RALYL: variants seen among roughly 807,000 people sequenced by gnomAD.
RALYL encodes RNA-binding Raly-like protein.
A neutral mutation model predicts 35.1 loss-of-function variants in RALYL; 29 were observed. The ratio of observed to expected loss-of-function variants is 0.83; its 90% CI spans 0.61 to 1.13. The LOEUF is 1.13. Among genes scored for constraint, RALYL ranks in the 50% most tolerant of loss-of-function variants. The pLI is 0.00. For synonymous variants in RALYL, 120 were observed against 127.6 expected (o/e 0.94, Z 0.40); for missense variants, 359 against 360.4 (o/e 1.00, Z 0.03).
At chr8:84,207,200 A>G (rs1818260003) in intron 1 of RALYL, among the ~76,000 whole-genome samples, 1 of 152,154 alleles carries the variant, frequency 6.6e-6, no homozygotes, top group South Asian at 2.1e-4. Flanking sequence ...TCTCAAAGAG[A>G]TATCTGTACT....
chr8:84,780,674 AT>A (rs1256130663), intron 3 of RALYL, among the ~76,000 whole-genome samples: 1 of 152,090 alleles, frequency 6.6e-6, no homozygotes, highest in African/African-American at 2.4e-5. Flanking sequence ...TTTGAATTTG[AT>A]TTTTTTGTTC....
chr8:84,712,488 T>C (rs939122149), intron 2 of RALYL, among the ~76,000 whole-genome samples: 10 of 152,286 alleles, frequency 6.6e-5, no homozygotes, highest in Middle Eastern at 3.4e-3. Context: ...AAAAATCTGA[T>C]GATATTCATG....
chr8:84,561,453 T>C lies in RALYL; in HGVS notation c.256+31876T>C, dbSNP rs185413903. The stretch of plus-strand genomic sequence containing the variant: ...ATCTGTGGCCAATATATTCTAAGAT[T>C]CCTAGTGAATGCCTGAAATCACAGA... On this transcript the variant is annotated intron_variant, in intron 2 of 8. Transcript: ENST00000521268. Among the ~76,000 whole-genome samples, 456 of 152,006 alleles carry C rather than the reference T, an allele frequency of 3.0e-3. 2 individuals carry two copies. Among genetic ancestry groups the C allele is most frequent in the African/African-American group, 7.8e-3 (322 of 41,500 alleles).
intron 2 of RALYL, among the ~76,000 whole-genome samples, chr8:84,585,062 C>T (rs888668048): frequency 2.6e-5 from 4 of 152,184 alleles, no homozygotes; most frequent in Admixed American, 1.3e-4. Flanking sequence ...CCTCACTTGA[C>T]GTGAGACTTT....
At chr8:84,532,219 GT>G (rs1206973561) in intron 2 of RALYL, among the ~76,000 whole-genome samples, 2 of 151,830 alleles carry the variant, frequency 1.3e-5, no homozygotes, top group Non-Finnish European at 1.5e-5. Context: ...ATACCCAGCG[GT>G]TTTTTTGTTT....
chr8:84,377,685 CT>C (rs1857209931), intron 1 of RALYL, among the ~76,000 whole-genome samples: 1 of 151,582 alleles, frequency 6.6e-6, no homozygotes, highest in Admixed American at 6.6e-5. Context: ...TCCACCCACT[CT>C]GCTCAAATAC....
Position 84,774,615 on chromosome 8 carries a change from C to A in RALYL, c.293C>A (p.Pro98Gln), listed in dbSNP as rs1293483350. ...NMAGEPKPYR[P>Q]KPGNKRPLSA... ...GCAGGAGAGCCCAAACCATACAGAC[C>A]AAAACCTGGAAACAAGAGGCCCCTT... Residue 98 changes from proline (P) to glutamine (Q), a missense_variant, in exon 3 of 9, where the codon CCA becomes CAA. Pro to Gln is a moderately conservative substitution (Grantham distance 76). Coordinates refer to ENST00000521268, the MANE Select transcript of RALYL (RefSeq NM_173848.7). 3 of 1,609,176 alleles carry A rather than the reference C, an allele frequency of 1.9e-6. No individual in the cohort carries two copies. Among genetic ancestry groups the A allele is most frequent in the Non-Finnish European group, 2.5e-6 (3 of 1,177,536 alleles).
At chr8:84,882,206 C>A (rs1842275939) in intron 7 of RALYL, among the ~76,000 whole-genome samples, 1 of 151,914 alleles carries the variant, frequency 6.6e-6, no homozygotes, top group African/African-American at 2.4e-5. Flanking sequence ...TAAAAAAAAT[C>A]TAATACTCAT....
chr8:84,372,304 G>A (rs925160707), intron 1 of RALYL, among the ~76,000 whole-genome samples: 10 of 152,002 alleles, frequency 6.6e-5, no homozygotes, highest in Admixed American at 6.6e-5. Context: ...ACTCTGGCAC[G>A]TGAGCGGCAC....
intron 2 of RALYL, among the ~76,000 whole-genome samples, chr8:84,659,116 T>C (rs926217418): frequency 2.0e-5 from 3 of 152,136 alleles, no homozygotes; most frequent in Non-Finnish European, 2.9e-5. Context: ...AGGAGCTAGT[T>C]AGACTAAAAC....
chr8:84,504,520 A>G (rs2056995267), intron 1 of RALYL, among the ~76,000 whole-genome samples: 1 of 152,172 alleles, frequency 6.6e-6, no homozygotes, highest in South Asian at 2.1e-4. Flanking sequence ...ATACATGTCA[A>G]ATATTCTAAA....
intron 2 of RALYL, among the ~76,000 whole-genome samples, chr8:84,567,113 A>C (rs1011041115): frequency 2.0e-5 from 3 of 151,752 alleles, no homozygotes; most frequent in Admixed American, 6.6e-5. Flanking sequence ...GAGTTATATG[A>C]GTTATCTATA....
chr8:84,651,590 T>C (rs1482940734), intron 2 of RALYL, among the ~76,000 whole-genome samples: 1 of 151,988 alleles, frequency 6.6e-6, no homozygotes, highest in Non-Finnish European at 1.5e-5. Context: ...AAGTTTAAAG[T>C]GTCAAAAATA....
In RALYL at chr8:84,311,090, A is replaced by AAATATAT. The variant is rs1554614840; in HGVS notation, c.-24+126667_-24+126668insATATATA. On this transcript the variant is annotated intron_variant, in intron 1 of 8. Transcript: ENST00000521268. ...AAAAAAAAAAAAAAAAAAAAAAAAA[A>AAATATAT]ATGTATATTAATGTATAGTATAAAT... Among the ~76,000 whole-genome samples, 14 of 99,770 alleles carry AAATATAT rather than the reference A, an allele frequency of 1.4e-4. 2 individuals carry two copies. The highest frequency in any genetic ancestry group is 1.4e-3 in the East Asian group (4 of 2,856). 65.5% of individuals were successfully genotyped at this position (99,770 alleles called of 152,430 possible).
chr8:84,501,864 C>T (rs2056701324), intron 1 of RALYL, among the ~76,000 whole-genome samples: 2 of 150,304 alleles, frequency 1.3e-5, no homozygotes, highest in South Asian at 4.2e-4. Flanking sequence ...TATATAATAT[C>T]ATATTATGTT....
intron 3 of RALYL, among the ~76,000 whole-genome samples, chr8:84,781,189 G>T (rs1447346854): frequency 1.3e-5 from 2 of 152,066 alleles, no homozygotes; most frequent in African/African-American, 4.8e-5. Flanking sequence ...TATGTTTTTA[G>T]CTATGATGAT....
intron 2 of RALYL, among the ~76,000 whole-genome samples, chr8:84,676,233 A>C (rs1051184160): frequency 1.3e-5 from 2 of 152,222 alleles, no homozygotes; most frequent in Admixed American, 6.5e-5. Context: ...GGAATCACTA[A>C]TGTAGAGATA....
intron 1 of RALYL, among the ~76,000 whole-genome samples, chr8:84,211,130 C>T (rs2131164627): frequency 6.6e-6 from 1 of 152,144 alleles, no homozygotes; most frequent in East Asian, 1.9e-4. Context: ...ACAGATGGAA[C>T]TGAAAAATTA....
At chr8:84,886,523 A>G (rs1586970788) in intron 7 of RALYL, among the ~76,000 whole-genome samples, 1 of 151,158 alleles carries the variant, frequency 6.6e-6, no homozygotes, top group South Asian at 2.1e-4. Flanking sequence ...TAGATTAATC[A>G]TCTGATAAAA....
Sources: gnomAD v4.1 joint callset for allele counts (sites outside exome capture counted in the v4.1 genomes callset) on GRCh38, gnomAD v4.1.1 for gene constraint, MANE v1.5 for transcripts, NCBI Gene and HGNC (gene_info 2026-07-23, HGNC 2026-07-21) for gene names.